Variants in FIRRM observed in about 807,000 individuals in gnomAD.
The protein encoded by FIRRM is FIGNL1-interacting regulator of recombination and mitosis.
At chr1:169,852,036 G>A in the FIRRM span, 1 of 1,533,766 alleles carries the variant, frequency 6.5e-7, no homozygotes, top group African/African-American at 1.4e-5. Flanking sequence ...GCCTTATGCT[G>A]AATTTCAAAT....
At chr1:169,805,908 A>G in the FIRRM span, 1 of 697,952 alleles carries the variant, frequency 1.4e-6, no homozygotes, top group Non-Finnish European at 2.5e-6. Context: ...AATTCAATCA[A>G]ATGTTGAAAT....
At chr1:169,815,436 G>A in the FIRRM span, among the ~76,000 whole-genome samples, 12 of 152,084 alleles carry the variant, frequency 7.9e-5, no homozygotes, top group Admixed American at 7.9e-4. Flanking sequence ...CTGGGAAAGG[G>A]GTGGGCAATT....
the FIRRM span, chr1:169,792,427 G>T: frequency 1.6e-6 from 1 of 642,638 alleles, no homozygotes; most frequent in Non-Finnish European, 2.5e-6. Flanking sequence ...GTGAGTAAAA[G>T]ACTGGTAACA....
the FIRRM span, among the ~76,000 whole-genome samples, chr1:169,817,428 A>G: frequency 2.0e-5 from 3 of 152,222 alleles, no homozygotes; most frequent in Non-Finnish European, 2.9e-5. Flanking sequence ...CTTCTGTGGC[A>G]GATAACAATT....
At chr1:169,808,193 T>A in the FIRRM span, among the ~76,000 whole-genome samples, 1 of 152,190 alleles carries the variant, frequency 6.6e-6, no homozygotes, top group East Asian at 1.9e-4. Flanking sequence ...ACAGCATTCT[T>A]CTCAGAATCC....
At chr1:169,795,797 T>A in the FIRRM span, 1 of 985,440 alleles carries the variant, frequency 1.0e-6, no homozygotes, top group Non-Finnish European at 1.2e-6. Context: ...TTCTTTCTTT[T>A]TTTTTGACAA....
At chr1:169,836,971 G>T in the FIRRM span, 129 of 1,612,294 alleles carry the variant, frequency 8.0e-5, 1 homozygote, top group South Asian at 7.9e-4. Flanking sequence ...CAGAAAATCT[G>T]CCTCTGTGGC....
the FIRRM span, chr1:169,852,730 A>G: frequency 1.3e-6 from 2 of 1,563,218 alleles, no homozygotes; most frequent in South Asian, 1.1e-5. Flanking sequence ...CTCCAGTCCA[A>G]AAGGAAGGTT....
the FIRRM span, among the ~76,000 whole-genome samples, chr1:169,849,078 G>A: frequency 6.6e-6 from 1 of 152,210 alleles, no homozygotes; most frequent in East Asian, 1.9e-4. Context: ...AAATGGTGGT[G>A]AGTGCTATGG....
chr1:169,836,340 C>T, the FIRRM span, among the ~76,000 whole-genome samples: 1 of 152,104 alleles, frequency 6.6e-6, no homozygotes, highest in African/African-American at 2.4e-5. Context: ...TTCTGTTAAC[C>T]TAGTAAGCAC....
the FIRRM span, among the ~76,000 whole-genome samples, chr1:169,813,109 T>A: frequency 6.6e-6 from 1 of 152,202 alleles, no homozygotes; most frequent in African/African-American, 2.4e-5. Context: ...AAGACAGTAA[T>A]TTATTTGACT....
chr1:169,810,834 A>AATTTTTTTTTTT, the FIRRM span, among the ~76,000 whole-genome samples: 2 of 61,194 alleles, frequency 3.3e-5, no homozygotes, highest in East Asian at 1.1e-3. Flanking sequence ...TTAGCCCCCA[A>AATTTTTTTTTTT]TTTTTTTTTT....
chr1:169,853,856 T>C, the FIRRM span: 1 of 1,486,838 alleles, frequency 6.7e-7, no homozygotes, highest in East Asian at 2.3e-5. Flanking sequence ...AGCAGGAATT[T>C]AAAATTTATC....
chr1:169,809,069 C>T, the FIRRM span, among the ~76,000 whole-genome samples: 2 of 152,116 alleles, frequency 1.3e-5, no homozygotes, highest in Non-Finnish European at 2.9e-5. Flanking sequence ...CATCCAAGTC[C>T]TAAAACTGGT....
At chr1:169,853,976 A>C in the FIRRM span, 1 of 638,914 alleles carries the variant, frequency 1.6e-6, no homozygotes, top group Non-Finnish European at 2.6e-6. Context: ...GCTTTTCAAA[A>C]ACCATAAAAT....
At chr1:169,823,657 T>A in the FIRRM span, among the ~76,000 whole-genome samples, 16 of 152,314 alleles carry the variant, frequency 1.1e-4, no homozygotes, top group Non-Finnish European at 1.9e-4. Flanking sequence ...TGAGTTATGC[T>A]TATCTTTGTA....
At chr1:169,814,592 A>G in the FIRRM span, among the ~76,000 whole-genome samples, 2 of 152,212 alleles carry the variant, frequency 1.3e-5, no homozygotes, top group Non-Finnish European at 2.9e-5. Context: ...CTTTAATGCA[A>G]TATGGAAACC....
At chr1:169,832,852 T>A in the FIRRM span, among the ~76,000 whole-genome samples, 1 of 152,122 alleles carries the variant, frequency 6.6e-6, no homozygotes, top group Non-Finnish European at 1.5e-5. Flanking sequence ...AAGTGATCCA[T>A]CTCTGCCTTC....
the FIRRM span, among the ~76,000 whole-genome samples, chr1:169,809,648 A>T: frequency 3.9e-5 from 6 of 152,210 alleles, no homozygotes; most frequent in Non-Finnish European, 8.8e-5. Context: ...TGGAAATCAG[A>T]AAATTTAAAT....
Sources: gnomAD v4.1 joint callset for allele counts (sites outside exome capture counted in the v4.1 genomes callset) on GRCh38, gnomAD v4.1.1 for gene constraint, MANE v1.5 for transcripts, NCBI Gene and HGNC (gene_info 2026-07-23, HGNC 2026-07-21) for gene names.